TRAPPC6A: variants seen among roughly 807,000 people sequenced by gnomAD.
TRAPPC6A encodes the protein trafficking protein particle complex subunit 6A.
A neutral mutation model predicts 20.8 loss-of-function variants in TRAPPC6A; 25 were observed. The ratio of observed to expected loss-of-function variants is 1.20; its 90% CI spans 0.88 to 1.68. The LOEUF is 1.68. TRAPPC6A is among the 40% of genes most tolerant of loss of function. The probability of loss-of-function intolerance (pLI) is 0.00; values close to 1 mark genes in which losing one functional copy is unlikely to be tolerated. For missense variants in TRAPPC6A, 215 were observed against 211.6 expected (o/e 1.02, Z -0.10); for synonymous variants, 96 against 93.3 (o/e 1.03, Z -0.16).
chr19:45,178,230 G>T lies in TRAPPC6A; in HGVS notation c.-12C>A. On this transcript the variant is annotated 5_prime_UTR_variant, in exon 1 of 6. Coordinates refer to ENST00000585934, the MANE Select transcript of TRAPPC6A (RefSeq NM_001270891.2). ...ACAGTATCCGCCATGCCCCCTCCTC[G>T]CACGCCTAAAGATGCGCCCAGCGCT... The T allele has an allele frequency of 6.3e-7, 1 of 1,584,204 alleles. No individual in the cohort carries two copies. The highest frequency in any genetic ancestry group is 8.6e-7 in the Non-Finnish European group (1 of 1,161,038).
rs1453631111 is a variant in TRAPPC6A at position 45,172,399 on chromosome 19, C to T, written c.84+5736G>A. ...CACCCCTTCCTGTCTCTTGTGTCTG[C>T]CCTACCCCTCGATTGTTCTCTAGGC... On this transcript the variant is annotated intron_variant, in intron 1 of 5. Transcript: ENST00000585934. This position sits in a 1 kb window ranked among gnomAD's most constrained non-coding sequence, Gnocchi z 4.2. 6.6e-6 allele frequency among the ~76,000 whole-genome samples: 1 copy of T among 151,742 alleles called. No homozygotes were observed. Among genetic ancestry groups the T allele is most frequent in the South Asian group, 2.1e-4 (1 of 4,832 alleles).
At chr19:45,165,641 AG>A (rs1050622032) in intron 1 of TRAPPC6A, among the ~76,000 whole-genome samples, 24 of 152,212 alleles carry the variant, frequency 1.6e-4, no homozygotes, top group Admixed American at 6.5e-5. Flanking sequence ...GCCACAGGAA[AG>A]GGGGCTGTGG....
chr19:45,174,493 C>T (rs955644154), intron 1 of TRAPPC6A, among the ~76,000 whole-genome samples: 8 of 151,736 alleles, frequency 5.3e-5, no homozygotes, highest in South Asian at 2.1e-4. Context: ...CTGGGGGAGA[C>T]GCATGTGAAT....
chr19:45,164,239 G>A lies in TRAPPC6A; in HGVS notation c.279C>T (p.Tyr93=), dbSNP rs531568982. 7.5e-6 allele frequency: 12 copies of A among 1,604,698 alleles called. No individual in the cohort carries two copies. Among genetic ancestry groups the A allele is most frequent in the Middle Eastern group, 3.3e-4 (2 of 6,030 alleles). Residue 93 remains tyrosine, a synonymous_variant, in exon 4 of 6, where the codon TAC becomes TAT. Coordinates refer to ENST00000585934, the MANE Select transcript of TRAPPC6A (RefSeq NM_001270891.2). ...DSLRTNHQGT[Y]VLQDNSFPLL... is the part of the protein sequence containing the mutation. ...GGGGGAAGCTGTTGTCTTGCAGGAC[G>A]TAGGTCCCCTGGGGGAGAGGAGAGG...
chr19:45,177,829 C>T (rs1432010077), intron 1 of TRAPPC6A, among the ~76,000 whole-genome samples: 2 of 152,224 alleles, frequency 1.3e-5, no homozygotes, highest in Non-Finnish European at 2.9e-5. Flanking sequence ...TTGGGTCGCA[C>T]ACCTAGTAAG....
At position 45,164,945 on chromosome 19, in the gene TRAPPC6A, T is replaced by C. The variant is rs1969115310; in HGVS notation, c.178A>G (p.Arg60Gly). ...AACTTGAGGACATCCAGCTCCTCCC[T>C]GAAGGCCAGCGTCTCCCGGGGCAGC... Reference protein sequence around the residue: ...ERLPRETLAFREELDVLKFLC... With the variant: ...ERLPRETLAFGEELDVLKFLC... Residue 60 changes from arginine to glycine, a missense_variant, in exon 3 of 6, where the codon AGG becomes GGG. Transcript: ENST00000585934. 1.9e-6 allele frequency: 3 copies of C among 1,614,120 alleles called. No homozygotes were observed. The East Asian group carries it at 6.7e-5, about 36-fold the overall frequency.
rs114181998 is a variant in TRAPPC6A at position 45,172,983 on chromosome 19, G to A, written c.84+5152C>T. ...CCGGGCAGGGACCTATCTGACAGCC[G>A]CTCCGCCCGCCCCACACCCTCCTCA... On this transcript the variant is annotated intron_variant, in intron 1 of 5. Coordinates refer to ENST00000585934, the MANE Select transcript of TRAPPC6A (RefSeq NM_001270891.2). This position sits in a 1 kb window ranked among gnomAD's most constrained non-coding sequence, Gnocchi z 4.2. Among the ~76,000 whole-genome samples, 1 of 151,496 alleles carries A rather than the reference G, an allele frequency of 6.6e-6. No individual in the cohort carries two copies. The highest frequency in any genetic ancestry group is 2.4e-5 in the African/African-American group (1 of 40,862).
In TRAPPC6A at chr19:45,162,986, C is replaced by A; in HGVS notation, c.*206G>T. ...CTACTGGGCAGTGACGCTGCCGAGG[C>A]GGGAATCCCACCACAGTCCTGACCG... On this transcript the variant is annotated 3_prime_UTR_variant, in exon 6 of 6. Transcript: ENST00000585934. 2 of 445,514 alleles carry A rather than the reference C, an allele frequency of 4.5e-6. No individual in the cohort carries two copies. The highest frequency in any genetic ancestry group is 8.5e-5 in the Admixed American group (2 of 23,416). 27.6% of individuals were successfully genotyped at this position (445,514 alleles called of 1,614,324 possible).
intron 1 of TRAPPC6A, among the ~76,000 whole-genome samples, chr19:45,168,502 G>T (rs1362521374): frequency 1.3e-5 from 2 of 152,136 alleles, no homozygotes; most frequent in Admixed American, 1.3e-4. Context: ...AGACCCGGGA[G>T]CTCACCCAGC....
Position 45,162,997 on chromosome 19 carries a change from CCACAG to C in TRAPPC6A, c.*190_*194del. The C allele has an allele frequency of 1.9e-6, 1 of 515,760 alleles. No homozygotes were observed. Among genetic ancestry groups the C allele is most frequent in the Non-Finnish European group, 3.3e-6 (1 of 298,534 alleles). The allele number at this position is 515,760 out of a possible 1,614,324, so 31.9% of individuals were successfully genotyped here. ...TGACGCTGCCGAGGCGGGAATCCCACCACAGTCCTGACCGCAGCTGGGACCCCTTT... is the reference window on the plus strand; with the variant it reads ...TGACGCTGCCGAGGCGGGAATCCCACTCCTGACCGCAGCTGGGACCCCTTT... On this transcript the variant is annotated 3_prime_UTR_variant, in exon 6 of 6. Coordinates refer to ENST00000585934, the MANE Select transcript of TRAPPC6A (RefSeq NM_001270891.2).
intron 1 of TRAPPC6A, among the ~76,000 whole-genome samples, chr19:45,177,870 A>T (rs531914990): frequency 6.6e-6 from 1 of 152,230 alleles, no homozygotes; most frequent in Non-Finnish European, 1.5e-5. Flanking sequence ...CACACGCCCA[A>T]TAACAGCATT....
In TRAPPC6A at chr19:45,164,974, G is replaced by GTGGGGCAGTACCAAGC. The variant is rs1460745896; in HGVS notation, c.153-20_153-5dup. 1 of 1,614,036 alleles carries GTGGGGCAGTACCAAGC rather than the reference G, an allele frequency of 6.2e-7. No individual in the cohort carries two copies. Among genetic ancestry groups the GTGGGGCAGTACCAAGC allele is most frequent in the East Asian group, 2.2e-5 (1 of 44,880 alleles). On this transcript the variant is annotated splice_region_variant and splice_polypyrimidine_tract_variant and intron_variant, in intron 2 of 5. Coordinates refer to ENST00000585934, the MANE Select transcript of TRAPPC6A (RefSeq NM_001270891.2). Reference sequence around the variant, plus strand: ...GGCCAGCGTCTCCCGGGGCAGCCTGGTGGGGCAGTACCAAGCTGAGGCCGT... The same window carrying GTGGGGCAGTACCAAGC: ...GGCCAGCGTCTCCCGGGGCAGCCTGGTGGGGCAGTACCAAGCTGGGGCAGTACCAAGCTGAGGCCGT...
At position 45,163,129 on chromosome 19, in the gene TRAPPC6A, C is replaced by A; in HGVS notation, c.*63G>T. 1 of 1,602,738 alleles carries A rather than the reference C, an allele frequency of 6.2e-7. No individual in the cohort carries two copies. The highest frequency in any genetic ancestry group is 8.5e-7 in the Non-Finnish European group (1 of 1,170,956). ...AGACCACCCCGAAATGCAGCGGCCCCACCGTCTCCTGAGGCCGGTGAGGCC... is the reference window on the plus strand; with the variant it reads ...AGACCACCCCGAAATGCAGCGGCCCAACCGTCTCCTGAGGCCGGTGAGGCC... On this transcript the variant is annotated 3_prime_UTR_variant, in exon 6 of 6. Transcript: ENST00000585934. The surrounding 1 kb of genome is among the most constrained non-coding windows in gnomAD (Gnocchi z 5.3).
In TRAPPC6A at chr19:45,172,998, C is replaced by G. The variant is rs2122852236; in HGVS notation, c.84+5137G>C. ...TCTGACAGCCGCTCCGCCCGCCCCA[C>G]ACCCTCCTCAGATAAGGGGCTGCCC... On this transcript the variant is annotated intron_variant, in intron 1 of 5. Transcript: ENST00000585934. The surrounding 1 kb of genome is among the most constrained non-coding windows in gnomAD (Gnocchi z 4.2). Among the ~76,000 whole-genome samples the G allele has an allele frequency of 6.6e-6, 1 of 151,582 alleles. No homozygotes were observed. Among genetic ancestry groups the G allele is most frequent in the East Asian group, 1.9e-4 (1 of 5,172 alleles).
chr19:45,170,178 C>T (rs980000626), intron 1 of TRAPPC6A, among the ~76,000 whole-genome samples: 9 of 152,212 alleles, frequency 5.9e-5, no homozygotes, highest in African/African-American at 1.7e-4. Flanking sequence ...GCATTTTCCC[C>T]TGCAGGCAAG....
intron 1 of TRAPPC6A, among the ~76,000 whole-genome samples, chr19:45,166,300 G>A (rs1441073457): frequency 1.3e-5 from 2 of 151,624 alleles, no homozygotes; most frequent in African/African-American, 4.9e-5. Context: ...TCCGCCTCCC[G>A]GGTTCAAACA....
rs769318128 is a variant in TRAPPC6A at position 45,165,120 on chromosome 19, C to T, written c.152+7G>A. The T allele has an allele frequency of 3.1e-5, 50 of 1,612,266 alleles. No individual in the cohort carries two copies. The East Asian group carries it at 4.5e-4, about 14-fold the overall frequency. On this transcript the variant is annotated splice_region_variant and intron_variant, in intron 2 of 5. Transcript: ENST00000585934. ...GGCTGGGGGAGAGCAGGAGGGGCCG[C>T]GCTCACCTCTCGCCTAGAGCCTGGC...
Position 45,172,434 on chromosome 19 carries a change from C to T in TRAPPC6A, c.84+5701G>A, listed in dbSNP as rs1445240320. 6.6e-6 allele frequency among the ~76,000 whole-genome samples: 1 copy of T among 151,714 alleles called. No homozygotes were observed. The highest frequency in any genetic ancestry group is 1.5e-5 in the Non-Finnish European group (1 of 68,040). On this transcript the variant is annotated intron_variant, in intron 1 of 5. Transcript: ENST00000585934. The surrounding 1 kb of genome is among the most constrained non-coding windows in gnomAD (Gnocchi z 4.2). ...CGATTGTTCTCTAGGCACCTGCTAG[C>T]TCCTGGGCAGAGGCTGACCCTGTTC...
intron 1 of TRAPPC6A, among the ~76,000 whole-genome samples, chr19:45,169,323 G>A (rs559628731): frequency 1.3e-5 from 2 of 152,202 alleles, no homozygotes; most frequent in Non-Finnish European, 2.9e-5. Context: ...TTGAGATAGG[G>A]TCTCATTCTG....
Sources: allele counts gnomAD v4.1 joint callset (sites outside exome capture counted in the v4.1 genomes callset), GRCh38; gene constraint gnomAD v4.1.1; non-coding constraint Gnocchi (gnomAD v3.1); transcripts MANE v1.5; gene names NCBI Gene and HGNC (gene_info 2026-07-23, HGNC 2026-07-21).